ADRA1B: variants seen among roughly 807,000 people sequenced by gnomAD.
ADRA1B encodes the protein adrenoceptor alpha 1B.
Under a neutral mutation model 17.9 loss-of-function variants are expected in ADRA1B, and 17 were observed. The ratio of observed to expected loss-of-function variants is 0.95; its 90% confidence interval spans 0.65 to 1.42. The LOEUF (loss-of-function observed/expected upper bound fraction) is 1.42. ADRA1B is among the 40% of genes most tolerant of loss of function. ADRA1B has a pLI of 0.00. For synonymous variants in ADRA1B, 366 were observed against 327.6 expected (o/e 1.12, Z -1.27); for missense variants, 681 against 722.1 (o/e 0.94, Z 0.65).
chr5:159,939,416 A>G (rs1755064371), intron 1 of ADRA1B, among the ~76,000 whole-genome samples: 1 of 151,974 alleles, frequency 6.6e-6, no homozygotes, highest in African/African-American at 2.4e-5. Context: ...ATCTTCCTAG[A>G]GCACAGATCT....
At chr5:159,876,381 A>G (rs1753802634) in intron 1 of ADRA1B, among the ~76,000 whole-genome samples, 1 of 152,204 alleles carries the variant, frequency 6.6e-6, no homozygotes, top group Non-Finnish European at 1.5e-5. Context: ...AAAAGAAGAA[A>G]GAGAGAGAAT....
rs1018821700 is a variant in ADRA1B, at chr5:159,972,752, G to GTA, written c.*267_*268dup. Among the ~76,000 whole-genome samples, 2 of 152,174 alleles carry GTA rather than the reference G, an allele frequency of 1.3e-5. No individual in the cohort carries two copies. Among genetic ancestry groups the GTA allele is most frequent in the African/African-American group, 4.8e-5 (2 of 41,466 alleles). On this transcript the variant is annotated 3_prime_UTR_variant, in exon 2 of 2. Coordinates refer to ENST00000306675, the MANE Select transcript of ADRA1B (RefSeq NM_000679.4). ...GATTTACCTCTCTCTCTCCCTCTGT[G>GTA]TATATATAAACGAGTCCCTCTCTAC...
chr5:159,901,453 G>A (rs1175046315), intron 1 of ADRA1B, among the ~76,000 whole-genome samples: 17 of 134,214 alleles, frequency 1.3e-4, no homozygotes, highest in Non-Finnish European at 2.2e-4. Flanking sequence ...GGGAGGGGAG[G>A]GGGACGGGAA....
At chr5:159,971,850 G>C (rs754774765) in intron 1 of ADRA1B, 29 bp from the exon 2 acceptor site, 1 of 1,310,454 alleles carries the variant, frequency 7.6e-7, no homozygotes, top group Non-Finnish European at 9.8e-7. Context: ...CTGTCTTTCT[G>C]CCCGTGCCCA....
At chr5:159,871,836 T>C (rs1753745318) in intron 1 of ADRA1B, among the ~76,000 whole-genome samples, 1 of 152,206 alleles carries the variant, frequency 6.6e-6, no homozygotes, top group African/African-American at 2.4e-5. Flanking sequence ...TTGAATGACT[T>C]TGAGGTTATA....
chr5:159,964,051 A>G (rs138018313), intron 1 of ADRA1B, among the ~76,000 whole-genome samples: 2 of 152,362 alleles, frequency 1.3e-5, no homozygotes, highest in African/African-American at 4.8e-5. Flanking sequence ...GGCTGCACCT[A>G]CATAGCAGGA....
intron 1 of ADRA1B, chr5:159,951,018 C>T (rs1755424292): frequency 7.4e-6 from 5 of 675,764 alleles, no homozygotes; most frequent in South Asian, 4.2e-5. Flanking sequence ...TGGATGACCT[C>T]GCCCAGGGGC....
intron 1 of ADRA1B, among the ~76,000 whole-genome samples, chr5:159,927,043 T>G (rs1039802170): frequency 6.6e-6 from 1 of 152,142 alleles, no homozygotes; most frequent in African/African-American, 2.4e-5. Context: ...AATCTGGGCC[T>G]GGTCATGAAG....
chr5:159,985,380 T>G, the ADRA1B span, among the ~76,000 whole-genome samples: 71 of 152,334 alleles, frequency 4.7e-4, 1 homozygote, highest in South Asian at 0.015. Context: ...ATTACTTTGG[T>G]TACTTCTGGA....
At chr5:159,973,087 C>G (rs890612272), downstream of ADRA1B, among the ~76,000 whole-genome samples, 1 of 152,210 alleles carries the variant, frequency 6.6e-6, no homozygotes, top group African/African-American at 2.4e-5. Flanking sequence ...GGATTTGACC[C>G]GGTCCTAGGT....
chr5:159,972,194 C>T lies in ADRA1B; in HGVS notation c.1265C>T (p.Pro422Leu). 7.3e-7 allele frequency: 1 copy of T among 1,365,808 alleles called. No individual in the cohort carries two copies. Among genetic ancestry groups the T allele is most frequent in the South Asian group, 1.6e-5 (1 of 61,408 alleles). 84.6% of individuals were successfully genotyped at this position (1,365,808 alleles called of 1,614,324 possible). The change falls in exon 2 of 2, where the codon CCC (proline) becomes CTC (leucine). Residue 422 changes from proline (P) to leucine (L), a missense_variant. Pro to Leu is a moderately conservative substitution (Grantham distance 98). Coordinates refer to ENST00000306675, the MANE Select transcript of ADRA1B (RefSeq NM_000679.4). ...SCLSGSQRTLPSASPSPGYLG... is the reference protein window; with the variant it reads ...SCLSGSQRTLLSASPSPGYLG... ...CTGAGCGGCAGCCAGCGGACCCTGC[C>T]CTCGGCCTCGCCGAGCCCGGGCTAC...
At chr5:159,919,724 T>A (rs1311757418) in intron 1 of ADRA1B, among the ~76,000 whole-genome samples, 1 of 152,222 alleles carries the variant, frequency 6.6e-6, no homozygotes, top group Non-Finnish European at 1.5e-5. Flanking sequence ...GCCTCCAGCC[T>A]GCAGAGGCTG....
At chr5:159,950,865 T>G in intron 1 of ADRA1B, 1 of 594,268 alleles carries the variant, frequency 1.7e-6, no homozygotes, top group South Asian at 1.6e-5. Context: ...GCCTTGGCAG[T>G]GCCAGTAGAG....
chr5:159,913,824 G>A (rs985325089), upstream of ADRA1B, among the ~76,000 whole-genome samples: 4 of 152,134 alleles, frequency 2.6e-5, no homozygotes, highest in Non-Finnish European at 5.9e-5. Context: ...AGGGAAGTGG[G>A]AAATGGGCCA....
At chr5:159,988,417 T>C in the ADRA1B span, among the ~76,000 whole-genome samples, 2 of 152,258 alleles carry the variant, frequency 1.3e-5, no homozygotes, top group Non-Finnish European at 1.5e-5. Context: ...TATTTTGTAA[T>C]GCTTTGTTAC....
chr5:159,878,234 G>A (rs1430530435), intron 1 of ADRA1B, among the ~76,000 whole-genome samples: 2 of 152,224 alleles, frequency 1.3e-5, no homozygotes, highest in South Asian at 2.1e-4. Flanking sequence ...GTCAGGGCCA[G>A]GAGCCAAGGT....
At chr5:159,921,805 T>A (rs1215778391) in intron 1 of ADRA1B, among the ~76,000 whole-genome samples, 2 of 152,210 alleles carry the variant, frequency 1.3e-5, no homozygotes, top group Non-Finnish European at 2.9e-5. Context: ...TTCATTCAAA[T>A]GGGGGCTGAC....
intron 1 of ADRA1B, among the ~76,000 whole-genome samples, chr5:159,962,091 G>A (rs542681678): frequency 2.0e-5 from 3 of 152,254 alleles, no homozygotes; most frequent in Non-Finnish European, 4.4e-5. Flanking sequence ...CCAGCTACTC[G>A]GGAAGCTGAA....
chr5:159,958,762 T>A lies in ADRA1B; in HGVS notation c.950-13117T>A, dbSNP rs115187106. ...CTATACAAAAGCAATCTATGTATCT[T>A]CACTTATAGATGTCTTCTTTTATGA... On this transcript the variant is annotated intron_variant, in intron 1 of 1. Coordinates refer to ENST00000306675, the MANE Select transcript of ADRA1B (RefSeq NM_000679.4). 3.1e-3 allele frequency among the ~76,000 whole-genome samples: 475 copies of A among 152,364 alleles called. 1 individual carries two copies. The highest frequency in any genetic ancestry group is 0.011 in the African/African-American group (454 of 41,588).
Sources: gnomAD v4.1 joint callset for allele counts (sites outside exome capture counted in the v4.1 genomes callset) on GRCh38, gnomAD v4.1.1 for gene constraint, MANE v1.5 for transcripts, NCBI Gene and HGNC (gene_info 2026-07-23, HGNC 2026-07-21) for gene names.